RNF180: variants seen among roughly 807,000 people sequenced by gnomAD.
RNF180 encodes ring finger protein 180.
In RNF180, 38 loss-of-function variants were observed where a neutral mutation model predicts 59.2. The observed-to-expected ratio is 0.64, with a 90% CI of 0.50 to 0.84. RNF180 has a LOEUF of 0.84. Ranked by LOEUF, RNF180 falls within the 40% of genes least tolerant of loss-of-function variation. RNF180 has a pLI of 0.00. For missense variants in RNF180, 705 were observed against 700.9 expected, an observed-to-expected ratio of 1.01 and a Z score of -0.07; for synonymous variants, 262 against 240.3, an observed-to-expected ratio of 1.09 and a Z score of -0.84.
intron 5 of RNF180, among the ~76,000 whole-genome samples, chr5:64,260,940 C>CTTT (rs77043934): frequency 7.3e-6 from 1 of 137,178 alleles, no homozygotes; most frequent in Non-Finnish European, 1.6e-5. Context: ...TCAGTTTCCT[C>CTTT]TTTTTTTTTT....
intron 3 of RNF180, among the ~76,000 whole-genome samples, chr5:64,213,334 G>A (rs1249194308): frequency 1.3e-5 from 2 of 152,114 alleles, no homozygotes; most frequent in Non-Finnish European, 2.9e-5. Flanking sequence ...GTTTGGATGG[G>A]CATGATTTGC....
At chr5:64,267,044 A>C (rs1002314338) in intron 5 of RNF180, among the ~76,000 whole-genome samples, 7 of 152,124 alleles carry the variant, frequency 4.6e-5, no homozygotes, top group African/African-American at 1.4e-4. Context: ...ATGCTGCATC[A>C]GACTGTGGTG....
chr5:64,204,282 C>G (rs1751904433), intron 2 of RNF180, among the ~76,000 whole-genome samples: 1 of 152,130 alleles, frequency 6.6e-6, no homozygotes, highest in Non-Finnish European at 1.5e-5. Flanking sequence ...ATAATCAGTG[C>G]TACTGTGAAC....
chr5:64,314,986 A>G (rs1195778174), intron 5 of RNF180, among the ~76,000 whole-genome samples: 3 of 152,216 alleles, frequency 2.0e-5, no homozygotes, highest in Non-Finnish European at 4.4e-5. Flanking sequence ...CTAACTTTAA[A>G]TACTCTATTA....
intron 5 of RNF180, among the ~76,000 whole-genome samples, chr5:64,221,363 G>C (rs1741323492): frequency 2.0e-5 from 3 of 152,018 alleles, no homozygotes; most frequent in African/African-American, 4.8e-5. Context: ...GTTTAGTAAA[G>C]AAGACAATCA....
intron 5 of RNF180, among the ~76,000 whole-genome samples, chr5:64,282,197 A>G (rs1742047594): frequency 6.6e-6 from 1 of 152,088 alleles, no homozygotes; most frequent in Admixed American, 6.6e-5. Flanking sequence ...TCTGGTTGGT[A>G]GGCTTTTTAT....
At chr5:64,203,094 G>A (rs1751835645) in intron 2 of RNF180, among the ~76,000 whole-genome samples, 1 of 152,156 alleles carries the variant, frequency 6.6e-6, no homozygotes, top group Non-Finnish European at 1.5e-5. Context: ...TAATGACCTA[G>A]AACAATTCTA....
intron 7 of RNF180, among the ~76,000 whole-genome samples, chr5:64,367,307 T>C (rs1340574391): frequency 6.6e-6 from 1 of 150,796 alleles, no homozygotes; most frequent in Admixed American, 6.6e-5. Flanking sequence ...AGAGAAAAAA[T>C]ACACAGGATA....
chr5:64,172,641 G>A (rs866284487), intron 1 of RNF180, among the ~76,000 whole-genome samples: 10 of 152,190 alleles, frequency 6.6e-5, no homozygotes, highest in Non-Finnish European at 1.0e-4. Flanking sequence ...CTATGGAGAC[G>A]TTATGTCCTT....
intron 1 of RNF180, among the ~76,000 whole-genome samples, chr5:64,199,926 G>A (rs892243816): frequency 1.3e-5 from 2 of 152,138 alleles, no homozygotes; most frequent in African/African-American, 4.8e-5. Flanking sequence ...TTATATACAA[G>A]ATGTAGTATA....
chr5:64,287,317 A>C (rs369214695), intron 5 of RNF180, among the ~76,000 whole-genome samples: 9 of 152,190 alleles, frequency 5.9e-5, no homozygotes, highest in African/African-American at 2.2e-4. Flanking sequence ...AGGTTACCAT[A>C]GTCAAATGAA....
intron 1 of RNF180, 128 bp from the exon 2 acceptor site, chr5:64,200,680 G>C (rs1409633731): frequency 1.4e-6 from 1 of 705,970 alleles, no homozygotes; most frequent in African/African-American, 1.8e-5. Context: ...CTGATAACTG[G>C]TAGGTACCTT....
intron 5 of RNF180, among the ~76,000 whole-genome samples, chr5:64,218,562 C>T (rs950978707): frequency 6.6e-6 from 1 of 152,060 alleles, no homozygotes; most frequent in Non-Finnish European, 1.5e-5. Context: ...AATTTTTTGA[C>T]TTTCCATATA....
intron 7 of RNF180, among the ~76,000 whole-genome samples, chr5:64,353,628 T>C (rs528843908): frequency 1.1e-4 from 17 of 151,828 alleles, no homozygotes; most frequent in Non-Finnish European, 2.2e-4. Flanking sequence ...TGTCAAGTAT[T>C]ATAGCCCTAT....
intron 1 of RNF180, among the ~76,000 whole-genome samples, chr5:64,189,252 C>G (rs1243199579): frequency 6.6e-6 from 1 of 151,938 alleles, no homozygotes; most frequent in East Asian, 1.9e-4. Flanking sequence ...AATTGGTATT[C>G]TTCTGTAACA....
At chr5:64,310,549 T>G (rs750895985) in intron 5 of RNF180, among the ~76,000 whole-genome samples, 5 of 151,692 alleles carry the variant, frequency 3.3e-5, no homozygotes, top group African/African-American at 4.8e-5. Context: ...GTTACTGATA[T>G]AACAGTTTTT....
rs576890831 is a variant in RNF180, at chr5:64,224,121, C to A, written c.1227+6725C>A. On this transcript the variant is annotated intron_variant, in intron 5 of 7. Coordinates refer to ENST00000389100, the MANE Select transcript of RNF180 (RefSeq NM_001113561.2). Reference sequence around the variant, plus strand: ...TGTGTGTGTACATACATATTTATATCTCAAGTTATTCCAGGGTCAAAAACT... The same window carrying A: ...TGTGTGTGTACATACATATTTATATATCAAGTTATTCCAGGGTCAAAAACT... Among the ~76,000 whole-genome samples the A allele has an allele frequency of 1.1e-4, 17 of 150,094 alleles. No individual in the cohort carries two copies. In the South Asian group the frequency reaches 3.4e-3, roughly 30 times the overall value.
intron 5 of RNF180, among the ~76,000 whole-genome samples, chr5:64,249,732 G>T (rs1743438927): frequency 6.6e-6 from 1 of 152,036 alleles, no homozygotes; most frequent in African/African-American, 2.4e-5. Context: ...GAAAAACATG[G>T]TCATTATGTA....
intron 5 of RNF180, among the ~76,000 whole-genome samples, chr5:64,241,515 T>G (rs990007714): frequency 6.6e-6 from 1 of 152,234 alleles, no homozygotes; most frequent in African/African-American, 2.4e-5. Flanking sequence ...CCCAATTTAT[T>G]TGAGCTGCAT....
Sources: gnomAD v4.1 joint callset for allele counts (sites outside exome capture counted in the v4.1 genomes callset) on GRCh38, gnomAD v4.1.1 for gene constraint, MANE v1.5 for transcripts, NCBI Gene and HGNC (gene_info 2026-07-23, HGNC 2026-07-21) for gene names.